Variants in ZFHX3 observed in about 807,000 individuals in gnomAD.
ZFHX3 encodes the protein zinc finger homeobox protein 3.
A neutral mutation model predicts 279.1 loss-of-function variants in ZFHX3; 42 were observed. The ratio of observed to expected loss-of-function variants is 0.15; its 90% CI spans 0.12 to 0.19. ZFHX3 has a LOEUF of 0.19. Among genes scored for constraint, ZFHX3 ranks in the 10% least tolerant of loss-of-function variants. The pLI is 1.00. For synonymous variants in ZFHX3, 2,293 were observed against 1,957.8 expected, an observed-to-expected ratio of 1.17 and a Z score of -4.52; for missense variants, 4,981 against 4,754.0, an observed-to-expected ratio of 1.05 and a Z score of -1.40.
chr16:73,510,784 G>A (rs569243236), intron 2 of ZFHX3, among the ~76,000 whole-genome samples: 1 of 152,338 alleles, frequency 6.6e-6, no homozygotes, highest in East Asian at 1.9e-4. Context: ...AAGAAACTCA[G>A]TGTTCCATGT....
intron 7 of ZFHX3, among the ~76,000 whole-genome samples, chr16:73,116,120 CAAAA>C (rs1229813862): frequency 7.5e-6 from 1 of 132,524 alleles, no homozygotes; most frequent in African/African-American, 2.7e-5. Context: ...AACTCTGTCT[CAAAA>C]AAAAAAAAAA....
chr16:73,235,774 G>A (rs1344749893), intron 5 of ZFHX3, among the ~76,000 whole-genome samples: 1 of 152,054 alleles, frequency 6.6e-6, no homozygotes, highest in African/African-American at 2.4e-5. Flanking sequence ...CTGGGCTCAA[G>A]CAATCCTCCC....
At position 73,311,561 on chromosome 16, in the gene ZFHX3, G is replaced by T. The variant is rs980369420; in HGVS notation, c.-1194+6679C>A. ...GCTGAGATTATGCCACAGCACTCCA[G>T]CCTGGGCGACAGAGACATACTCCAT... On this transcript the variant is annotated intron_variant, in intron 4 of 17. Coordinates refer to the ZFHX3 transcript ENST00000641206. Among the ~76,000 whole-genome samples the T allele has an allele frequency of 3.1e-5, 4 of 129,908 alleles. No individual in the cohort carries two copies. In the East Asian group the frequency reaches 6.8e-4, roughly 22 times the overall value. The allele number at this position is 129,908 out of a possible 152,430, so 85.2% of individuals were successfully genotyped here.
At chr16:72,886,595 T>C (rs971764838) in intron 4 of ZFHX3, among the ~76,000 whole-genome samples, 8 of 151,766 alleles carry the variant, frequency 5.3e-5, no homozygotes, top group African/African-American at 1.2e-4. Flanking sequence ...AAGAAAGAAT[T>C]GAAGGGTGAA....
chr16:73,840,595 G>A (rs190482068), intron 1 of ZFHX3, among the ~76,000 whole-genome samples: 3 of 152,276 alleles, frequency 2.0e-5, no homozygotes, highest in African/African-American at 7.2e-5. Flanking sequence ...GTTCCAGAGT[G>A]TCGGGCTCTA....
At chr16:73,114,757 G>A (rs202244362) in intron 7 of ZFHX3, among the ~76,000 whole-genome samples, 3 of 152,290 alleles carry the variant, frequency 2.0e-5, no homozygotes, top group East Asian at 3.9e-4. Flanking sequence ...TTGCCACCTT[G>A]TGAATGGCCA....
intron 1 of ZFHX3, among the ~76,000 whole-genome samples, chr16:73,779,176 G>A (rs548527507): frequency 3.3e-5 from 5 of 152,242 alleles, no homozygotes; most frequent in Admixed American, 2.6e-4. Context: ...CCCAACATGT[G>A]CCAAAGTATA....
chr16:73,392,418 C>CAAAAAAAAA (rs35019692), intron 3 of ZFHX3, among the ~76,000 whole-genome samples: 999 of 35,758 alleles, frequency 0.028, 145 homozygotes, highest in Non-Finnish European at 0.041. Context: ...GACCCTGTCT[C>CAAAAAAAAA]AAAAAAAAAA....
At chr16:73,205,550 A>C (rs2011765450) in intron 5 of ZFHX3, among the ~76,000 whole-genome samples, 1 of 152,206 alleles carries the variant, frequency 6.6e-6, no homozygotes, top group Admixed American at 6.5e-5. Flanking sequence ...CAGAGATTAA[A>C]TTAATTTAAC....
At chr16:73,634,285 C>T (rs1243872792) in intron 2 of ZFHX3, among the ~76,000 whole-genome samples, 1 of 151,746 alleles carries the variant, frequency 6.6e-6, no homozygotes, top group East Asian at 1.9e-4. Context: ...ATGAATTCTA[C>T]TCCTTTCCCT....
At chr16:72,801,791 T>C (rs972080511) in intron 7 of ZFHX3, among the ~76,000 whole-genome samples, 1 of 152,058 alleles carries the variant, frequency 6.6e-6, no homozygotes, top group African/African-American at 2.4e-5. Context: ...TTCTTTTTAA[T>C]AGAAGGCATT....
At chr16:73,471,426 T>C (rs74834866) in intron 2 of ZFHX3, among the ~76,000 whole-genome samples, 1 of 152,046 alleles carries the variant, frequency 6.6e-6, no homozygotes, top group Non-Finnish European at 1.5e-5. Flanking sequence ...TTTTTTTTTT[T>C]AGACAGAATT....
chr16:73,860,572 T>C (rs1961855113), intron 1 of ZFHX3, among the ~76,000 whole-genome samples: 1 of 152,220 alleles, frequency 6.6e-6, no homozygotes, highest in South Asian at 2.1e-4. Flanking sequence ...ACCTCTTGTC[T>C]ACTACGCCAA....
At chr16:72,881,901 T>C (rs2038483669) in intron 4 of ZFHX3, among the ~76,000 whole-genome samples, 1 of 152,172 alleles carries the variant, frequency 6.6e-6, no homozygotes, top group Non-Finnish European at 1.5e-5. Flanking sequence ...GAGTTTCAGA[T>C]TTTCAAGTTT....
chr16:73,055,323 T>G (rs375080126), intron 1 of ZFHX3, among the ~76,000 whole-genome samples: 2 of 152,064 alleles, frequency 1.3e-5, no homozygotes, highest in African/African-American at 4.8e-5. Flanking sequence ...GCTGGGAGCC[T>G]ATGTCTATGC....
At chr16:73,170,129 C>G (rs1400815433) in intron 5 of ZFHX3, among the ~76,000 whole-genome samples, 2 of 151,558 alleles carry the variant, frequency 1.3e-5, no homozygotes, top group Non-Finnish European at 2.9e-5. Context: ...TTATTAATGT[C>G]CTGATGCTAA....
intron 2 of ZFHX3, among the ~76,000 whole-genome samples, chr16:73,649,662 C>A (rs971675561): frequency 2.0e-5 from 3 of 152,166 alleles, no homozygotes; most frequent in Non-Finnish European, 4.4e-5. Context: ...ATCCAGTGCA[C>A]CGTGCTTCCT....
chr16:72,940,454 G>T (rs2144342599), intron 3 of ZFHX3, among the ~76,000 whole-genome samples: 1 of 152,296 alleles, frequency 6.6e-6, no homozygotes, highest in South Asian at 2.1e-4. Context: ...ATGCAAGGAT[G>T]CCTTCCACCC....
intron 2 of ZFHX3, among the ~76,000 whole-genome samples, chr16:73,615,569 A>G (rs1361098712): frequency 6.6e-6 from 1 of 152,232 alleles, no homozygotes; most frequent in East Asian, 1.9e-4. Flanking sequence ...TTACAATTAC[A>G]TGTCAATTAC....
Sources: gnomAD v4.1 joint callset for allele counts (sites outside exome capture counted in the v4.1 genomes callset) on GRCh38, gnomAD v4.1.1 for gene constraint, MANE v1.5 for transcripts, NCBI Gene and HGNC (gene_info 2026-07-23, HGNC 2026-07-21) for gene names.